Variants in ADAMTS9 observed in about 807,000 individuals in gnomAD.
ADAMTS9 encodes the protein ADAM metallopeptidase with thrombospondin type 1 motif 9, also known as A disintegrin and metalloproteinase with thrombospondin motifs 9.
A neutral mutation model predicts 257.1 loss-of-function variants in ADAMTS9; 107 were observed. The observed-to-expected ratio is 0.42, with a 90% CI of 0.36 to 0.49. The LOEUF is 0.49. ADAMTS9 is among the 20% of genes least tolerant of loss of function. The pLI, the probability that ADAMTS9 is intolerant of heterozygous loss-of-function variation, is 0.03. For missense variants in ADAMTS9, 2,353 were observed against 2,469.1 expected, an observed-to-expected ratio of 0.95 and a Z score of 1.00; for synonymous variants, 982 against 880.9, an observed-to-expected ratio of 1.11 and a Z score of -2.03.
intron 29 of ADAMTS9, among the ~76,000 whole-genome samples, chr3:64,564,451 G>A (rs371121260): frequency 7.7e-4 from 117 of 152,178 alleles, no homozygotes; most frequent in African/African-American, 2.6e-3. Context: ...TTAAAGCAGC[G>A]ATTAGTTTGA....
chr3:64,627,743 C>T (rs1266550436), intron 16 of ADAMTS9, among the ~76,000 whole-genome samples: 1 of 152,092 alleles, frequency 6.6e-6, no homozygotes, highest in South Asian at 2.1e-4. Context: ...TGGGTTGCTA[C>T]AAAAGGCCCT....
chr3:64,590,115 A>G (rs748663408), intron 28 of ADAMTS9: 6 of 152,200 alleles, frequency 3.9e-5, no homozygotes, highest in Non-Finnish European at 8.8e-5. Context: ...ATAATTCAGG[A>G]CAACAGTACT....
rs758113783 is a variant in ADAMTS9 at position 64,641,866 on chromosome 3, C to T, written c.1838G>A (p.Arg613Gln). The T allele has an allele frequency of 1.4e-5, 22 of 1,613,998 alleles. No individual in the cohort carries two copies. The highest frequency in any genetic ancestry group is 2.2e-5 in the East Asian group (1 of 44,872). Reference sequence around the variant, plus strand: ...GACTTACTCTGGTCTGTTGCACTCTCGAATGGCTGTTTTGATGCCCCCTCC... The same window carrying T: ...GACTTACTCTGGTCTGTTGCACTCTTGAATGGCTGTTTTGATGCCCCCTCC... The part of the protein sequence containing the change: ...TCGGGIKTAI[R>Q]ECNRPEPKNG... The change falls in exon 12 of 40, where the codon CGA (arginine) becomes CAA (glutamine). Residue 613 changes from arginine (R) to glutamine (Q), a missense_variant. This residue lies in a region of ADAMTS9 where 360 missense variants were observed against 458.1 expected (regional missense o/e 0.79). Transcript: ENST00000498707.
At chr3:64,655,485 T>A (rs1460162524) in intron 6 of ADAMTS9, 91 bp downstream of exon 6, 5 of 1,080,724 alleles carry the variant, frequency 4.6e-6, no homozygotes, top group Non-Finnish European at 7.0e-6. Context: ...TGAGAAACCC[T>A]CCACTAGCAG....
intron 29 of ADAMTS9, chr3:64,563,143 T>C (rs2083457121): frequency 6.6e-6 from 1 of 152,186 alleles, no homozygotes; most frequent in African/African-American, 2.4e-5. Flanking sequence ...AATGGGAGGA[T>C]TCCTGAACAC....
chr3:64,686,868 C>T lies in ADAMTS9; in HGVS notation c.216G>A (p.Thr72=). 2 of 1,614,142 alleles carry T rather than the reference C, an allele frequency of 1.2e-6. No individual in the cohort carries two copies. The highest frequency in any genetic ancestry group is 8.5e-7 in the Non-Finnish European group (1 of 1,180,034). ...CAGTGGCAGAGTTAATGCTCCGTCG[C>T]GTTCTTTTGAAGTGGACGTTCGTGG... is the stretch of plus-strand genomic sequence containing the variant. ...PFPTNVHFKR[T]RRSINSATDP... is the part of the protein sequence containing the mutation. The change falls in exon 2 of 40, where the codon ACG becomes ACA. Residue 72 remains threonine (T), a synonymous_variant. Coordinates refer to ENST00000498707, the MANE Select transcript of ADAMTS9 (RefSeq NM_182920.2). The surrounding 1 kb of genome is among the most constrained non-coding windows in gnomAD (Gnocchi z 4.6).
In ADAMTS9 at chr3:64,642,825, G is replaced by A. The variant is rs1209669675; in HGVS notation, c.1711-832C>T. On this transcript the variant is annotated intron_variant, in intron 11 of 39. Transcript: ENST00000498707. ...TGAAGCGGAGCTGGTGGCGACTGTC[G>A]TGATTTATCCCCAGGGAGGACACAG... Among the ~76,000 whole-genome samples, 5 of 152,234 alleles carry A rather than the reference G, an allele frequency of 3.3e-5. No individual in the cohort carries two copies. In the East Asian group the frequency reaches 5.8e-4, roughly 18 times the overall value.
At chr3:64,574,597 G>A (rs922695168) in intron 28 of ADAMTS9, among the ~76,000 whole-genome samples, 1 of 151,294 alleles carries the variant, frequency 6.6e-6, no homozygotes, top group African/African-American at 2.4e-5. Context: ...GCTGGGCATG[G>A]TGATGCACAG....
chr3:64,606,332 A>G (rs1474131486), intron 23 of ADAMTS9, among the ~76,000 whole-genome samples: 1 of 152,136 alleles, frequency 6.6e-6, no homozygotes, highest in Non-Finnish European at 1.5e-5. Context: ...CTGTGGTGTA[A>G]ATACTCTCAT....
chr3:64,543,063 C>T (rs1254350037), intron 32 of ADAMTS9, among the ~76,000 whole-genome samples: 1 of 152,026 alleles, frequency 6.6e-6, no homozygotes, highest in Non-Finnish European at 1.5e-5. Flanking sequence ...AAGATTAAAC[C>T]AGAAAGAAGT....
At chr3:64,610,879 A>G (rs575512686) in intron 22 of ADAMTS9, among the ~76,000 whole-genome samples, 1 of 152,114 alleles carries the variant, frequency 6.6e-6, no homozygotes, top group African/African-American at 2.4e-5. Context: ...GATAGAGACC[A>G]TCTTGGCTAA....
At chr3:64,642,735 T>A (rs902267373) in intron 11 of ADAMTS9, among the ~76,000 whole-genome samples, 1 of 151,960 alleles carries the variant, frequency 6.6e-6, no homozygotes, top group African/African-American at 2.4e-5. Flanking sequence ...CACTGAGCAG[T>A]GGACAAAGGA....
intron 38 of ADAMTS9, among the ~76,000 whole-genome samples, chr3:64,530,949 G>T (rs925620375): frequency 2.0e-5 from 3 of 152,130 alleles, no homozygotes; most frequent in African/African-American, 7.2e-5. Flanking sequence ...GAAACATAAT[G>T]TATAGATTTT....
intron 28 of ADAMTS9, among the ~76,000 whole-genome samples, chr3:64,593,657 C>G (rs1378465566): frequency 6.6e-6 from 1 of 152,216 alleles, no homozygotes; most frequent in Non-Finnish European, 1.5e-5. Context: ...AACGGGCTTC[C>G]TATCTCTGTG....
At chr3:64,636,187 T>C (rs909082831) in intron 12 of ADAMTS9, among the ~76,000 whole-genome samples, 1 of 152,200 alleles carries the variant, frequency 6.6e-6, no homozygotes, top group African/African-American at 2.4e-5. Context: ...ATAGGTGGCT[T>C]CCCTTCAGAT....
chr3:64,579,759 G>T (rs1278349367), intron 28 of ADAMTS9, among the ~76,000 whole-genome samples: 3 of 152,168 alleles, frequency 2.0e-5, no homozygotes, highest in African/African-American at 7.2e-5. Flanking sequence ...ACAATGCTCA[G>T]TTTATTGTTA....
intron 3 of ADAMTS9, among the ~76,000 whole-genome samples, chr3:64,664,034 G>A (rs1300266945): frequency 6.6e-6 from 1 of 152,144 alleles, no homozygotes; most frequent in Admixed American, 6.5e-5. Flanking sequence ...AGTACACACT[G>A]TTAGGATAAA....
chr3:64,517,420 T>G (rs942168904), intron 39 of ADAMTS9, among the ~76,000 whole-genome samples: 1 of 121,040 alleles, frequency 8.3e-6, no homozygotes, highest in African/African-American at 2.9e-5. Context: ...AAAATGGTTT[T>G]TTTTTTTTTT....
intron 6 of ADAMTS9, among the ~76,000 whole-genome samples, chr3:64,655,160 GA>G (rs1701032006): frequency 6.6e-6 from 1 of 152,194 alleles, no homozygotes; most frequent in East Asian, 1.9e-4. Context: ...TGGCAACACT[GA>G]ACTCATATAC....
Sources: allele counts gnomAD v4.1 joint callset (sites outside exome capture counted in the v4.1 genomes callset), GRCh38; gene constraint gnomAD v4.1.1; regional missense constraint gnomAD v4.1.1; non-coding constraint Gnocchi (gnomAD v3.1); transcripts MANE v1.5; gene names NCBI Gene and HGNC (gene_info 2026-07-23, HGNC 2026-07-21).